CADPS2: variants seen among roughly 807,000 people sequenced by gnomAD.
CADPS2 encodes the protein calcium dependent secretion activator 2.
In CADPS2, 93 loss-of-function variants were observed where a neutral mutation model predicts 172.5. The ratio of observed to expected loss-of-function variants is 0.54; its 90% confidence interval spans 0.46 to 0.64. CADPS2 has a LOEUF of 0.64. Ranked by LOEUF, CADPS2 falls within the 30% of genes least tolerant of loss-of-function variation. CADPS2 has a pLI of 0.00. For missense variants in CADPS2, 1,420 were observed against 1,565.9 expected, an observed-to-expected ratio of 0.91 and a Z score of 1.57; for synonymous variants, 546 against 555.2, an observed-to-expected ratio of 0.98 and a Z score of 0.23.
At chr7:122,567,692 G>T (rs6963465) in intron 7 of CADPS2, among the ~76,000 whole-genome samples, 14,988 of 151,986 alleles carry the variant, frequency 0.099, 873 homozygotes, top group African/African-American at 0.15. Flanking sequence ...ATGATGGGAG[G>T]GAAGAACTAG....
At chr7:122,782,567 T>C (rs1390303075) in intron 1 of CADPS2, among the ~76,000 whole-genome samples, 1 of 152,132 alleles carries the variant, frequency 6.6e-6, no homozygotes, top group Admixed American at 6.5e-5. Flanking sequence ...GGCATGTTCA[T>C]GCCATTGCAC....
intron 1 of CADPS2, among the ~76,000 whole-genome samples, chr7:122,857,056 A>G (rs1362436769): frequency 6.6e-6 from 1 of 152,206 alleles, no homozygotes; most frequent in Non-Finnish European, 1.5e-5. Flanking sequence ...TATGATTTGT[A>G]TGTATGAGGA....
chr7:122,541,862 T>TATTC (rs2063113130), intron 8 of CADPS2, among the ~76,000 whole-genome samples: 1 of 130,148 alleles, frequency 7.7e-6, no homozygotes, highest in African/African-American at 2.7e-5. Flanking sequence ...TATATTTATA[T>TATTC]ATATGCATAT....
chr7:122,400,375 TGTG>T (rs1419458661), intron 20 of CADPS2, among the ~76,000 whole-genome samples: 3 of 151,938 alleles, frequency 2.0e-5, no homozygotes, highest in Non-Finnish European at 4.4e-5. Flanking sequence ...AGGCGGAGGT[TGTG>T]GTCAGCCAAG....
chr7:122,535,080 G>A (rs2062118673), intron 8 of CADPS2, among the ~76,000 whole-genome samples: 1 of 152,092 alleles, frequency 6.6e-6, no homozygotes, highest in Non-Finnish European at 1.5e-5. Context: ...CAGTCCTCAT[G>A]ACTTTTAACC....
At chr7:122,379,464 C>T (rs763191498) in intron 24 of CADPS2, 22 bp from the exon 25 acceptor site, 8 of 1,525,300 alleles carry the variant, frequency 5.2e-6, no homozygotes, top group Non-Finnish European at 7.2e-6. Flanking sequence ...AAGATAAAAA[C>T]TCATTAGTTG....
intron 1 of CADPS2, among the ~76,000 whole-genome samples, chr7:122,857,186 G>C (rs1009483550): frequency 1.3e-5 from 2 of 152,086 alleles, no homozygotes; most frequent in East Asian, 3.9e-4. Flanking sequence ...AGGAAAATAG[G>C]CATGGAAACG....
intron 6 of CADPS2, chr7:122,585,782 T>C (rs2069582946): frequency 6.6e-6 from 1 of 152,012 alleles, no homozygotes; most frequent in South Asian, 2.1e-4. Flanking sequence ...CAGGACTTCC[T>C]GGCTTTGAAA....
At chr7:122,483,420 A>G (rs1212162560) in intron 11 of CADPS2, among the ~76,000 whole-genome samples, 2 of 152,146 alleles carry the variant, frequency 1.3e-5, no homozygotes, top group Non-Finnish European at 2.9e-5. Context: ...TCGTATATAA[A>G]GAAGCTAAAA....
chr7:122,586,194 T>G (rs1563779833), intron 6 of CADPS2, among the ~76,000 whole-genome samples: 1 of 151,974 alleles, frequency 6.6e-6, no homozygotes, highest in Non-Finnish European at 1.5e-5. Context: ...TTTAAAAAAA[T>G]GGAGTACCTT....
At chr7:122,604,432 C>T (rs1436262551) in intron 6 of CADPS2, among the ~76,000 whole-genome samples, 4 of 152,156 alleles carry the variant, frequency 2.6e-5, no homozygotes, top group African/African-American at 7.2e-5. Context: ...TCTGCACCAG[C>T]AGCACTGAGG....
chr7:122,347,912 G>A (rs1191309997), intron 27 of CADPS2, among the ~76,000 whole-genome samples: 1 of 152,156 alleles, frequency 6.6e-6, no homozygotes, highest in African/African-American at 2.4e-5. Context: ...CAAAAAACCT[G>A]CTGCTGCAGA....
chr7:122,599,980 A>C (rs1378930585), intron 6 of CADPS2, among the ~76,000 whole-genome samples: 1 of 152,088 alleles, frequency 6.6e-6, no homozygotes, highest in African/African-American at 2.4e-5. Context: ...AAATATTCCT[A>C]GATCAGATTA....
intron 9 of CADPS2, among the ~76,000 whole-genome samples, chr7:122,501,256 A>C (rs183323031): frequency 6.6e-6 from 1 of 152,272 alleles, no homozygotes; most frequent in African/African-American, 2.4e-5. Context: ...TCTGTCTCAA[A>C]AACAAAACAA....
chr7:122,806,582 C>T (rs1394900634), intron 1 of CADPS2, among the ~76,000 whole-genome samples: 1 of 152,096 alleles, frequency 6.6e-6, no homozygotes, highest in Non-Finnish European at 1.5e-5. Context: ...AACAACAACC[C>T]GAATGATTTT....
chr7:122,389,562 A>C (rs1228013917), intron 22 of CADPS2, among the ~76,000 whole-genome samples: 1 of 151,998 alleles, frequency 6.6e-6, no homozygotes, highest in East Asian at 1.9e-4. Flanking sequence ...AGAAGAGTAC[A>C]TATAATATTT....
intron 1 of CADPS2, among the ~76,000 whole-genome samples, chr7:122,823,168 G>C (rs1803884986): frequency 1.3e-5 from 2 of 152,054 alleles, no homozygotes; most frequent in South Asian, 4.1e-4. Context: ...ATCTGTAACA[G>C]AATTATAGCA....
intron 1 of CADPS2, among the ~76,000 whole-genome samples, chr7:122,852,853 T>C (rs1213564360): frequency 1.3e-5 from 2 of 152,024 alleles, no homozygotes; most frequent in African/African-American, 4.8e-5. Flanking sequence ...TCTGACTACA[T>C]ATAGAGAACA....
chr7:122,525,281 GA>G (rs1397676892), intron 8 of CADPS2, among the ~76,000 whole-genome samples: 6 of 152,174 alleles, frequency 3.9e-5, no homozygotes, highest in African/African-American at 1.4e-4. Context: ...GCAGAGCTCT[GA>G]AATTTAGTAA....
Sources: allele counts gnomAD v4.1 joint callset (sites outside exome capture counted in the v4.1 genomes callset), GRCh38; gene constraint gnomAD v4.1.1; transcripts MANE v1.5; gene names NCBI Gene and HGNC (gene_info 2026-07-23, HGNC 2026-07-21).